The following PPP2R5E variants were observed in gnomAD, a reference collection of about 807,000 sequenced individuals.
The protein encoded by PPP2R5E is protein phosphatase 2 regulatory subunit B'epsilon.
PPP2R5E carries 4 observed loss-of-function variants against 65.3 expected under a neutral mutation model. The ratio of observed to expected loss-of-function variants is 0.06; its 90% CI spans 0.03 to 0.14. The LOEUF (loss-of-function observed/expected upper bound fraction) is 0.14. Among genes scored for constraint, PPP2R5E ranks in the 10% least tolerant of loss-of-function variants. PPP2R5E has a pLI of 1.00. For missense variants in PPP2R5E, 274 were observed against 556.1 expected (o/e 0.49, Z 5.10); for synonymous variants, 183 against 187.4 (o/e 0.98, Z 0.19).
At chr14:63,436,103 C>T (rs1268050320) in intron 3 of PPP2R5E, among the ~76,000 whole-genome samples, 1 of 152,230 alleles carries the variant, frequency 6.6e-6, no homozygotes, top group African/African-American at 2.4e-5. Flanking sequence ...TGCTGCATTT[C>T]ACCATCTGGG....
chr14:63,503,766 T>A (rs1892022282), intron 2 of PPP2R5E, among the ~76,000 whole-genome samples: 1 of 152,174 alleles, frequency 6.6e-6, no homozygotes, highest in South Asian at 2.1e-4. Flanking sequence ...ACTACCAGAA[T>A]TGCATGGGGG....
chr14:63,498,468 G>A (rs1232457832), intron 2 of PPP2R5E, among the ~76,000 whole-genome samples: 5 of 151,808 alleles, frequency 3.3e-5, no homozygotes, highest in Non-Finnish European at 7.4e-5. Context: ...ATGAACCTTT[G>A]GAATGTTTTT....
At chr14:63,534,895 T>C (rs1436260131) in intron 2 of PPP2R5E, among the ~76,000 whole-genome samples, 2 of 152,176 alleles carry the variant, frequency 1.3e-5, no homozygotes, top group South Asian at 2.1e-4. Context: ...GCTGGGATTA[T>C]AGGTGTGAGC....
chr14:63,501,246 C>A (rs558055267), intron 2 of PPP2R5E, among the ~76,000 whole-genome samples: 35 of 150,502 alleles, frequency 2.3e-4, no homozygotes, highest in African/African-American at 8.3e-4. Flanking sequence ...AAAAGAAATA[C>A]AAAAAAAAAT....
intron 13 of PPP2R5E, among the ~76,000 whole-genome samples, chr14:63,379,872 A>G (rs928510008): frequency 3.1e-5 from 4 of 128,280 alleles, no homozygotes; most frequent in Non-Finnish European, 6.2e-5. Flanking sequence ...TCTCACTCCA[A>G]TGTCCAAGCT....
chr14:63,463,661 A>T (rs1321927237), intron 2 of PPP2R5E, among the ~76,000 whole-genome samples: 1 of 150,654 alleles, frequency 6.6e-6, no homozygotes, highest in African/African-American at 2.5e-5. Context: ...CAGTGGCACG[A>T]TCTCGGCTCA....
chr14:63,512,545 A>C (rs1372831707), intron 2 of PPP2R5E, among the ~76,000 whole-genome samples: 1 of 152,182 alleles, frequency 6.6e-6, no homozygotes, highest in Admixed American at 6.5e-5. Context: ...CAGATTTGAG[A>C]CACATAACTA....
In PPP2R5E at chr14:63,376,013, G is replaced by A. The variant is rs1883962014; in HGVS notation, c.1400C>T (p.Thr467Ile). The A allele has an allele frequency of 6.3e-7, 1 of 1,583,058 alleles. No homozygotes were observed. The highest frequency in any genetic ancestry group is 8.7e-7 in the Non-Finnish European group (1 of 1,152,654). ...ATGTTGTTGTCATTGTTTTTGTTAA[G>A]TTGGAATTATTCCATCACGTCTAAG... The part of the protein sequence containing the change: ...RGLRRDGIIP[T>I] The change falls in exon 14 of 14, where the codon ACT becomes ATT. Residue 467 changes from threonine (T) to isoleucine (I), a missense_variant. This residue lies in a region of PPP2R5E where 129 missense variants were observed against 254.9 expected (regional missense o/e 0.51). Coordinates refer to ENST00000337537, the MANE Select transcript of PPP2R5E (RefSeq NM_006246.5).
chr14:63,408,408 C>A (rs76513788), intron 5 of PPP2R5E, among the ~76,000 whole-genome samples: 1,970 of 152,132 alleles, frequency 0.013, 65 homozygotes, highest in East Asian at 0.12. Flanking sequence ...TATATTTATT[C>A]ATTCGTTTAT....
At chr14:63,474,282 T>C (rs752618594) in intron 2 of PPP2R5E, among the ~76,000 whole-genome samples, 7 of 152,158 alleles carry the variant, frequency 4.6e-5, no homozygotes, top group East Asian at 1.9e-4. Context: ...AAGGTGACTC[T>C]TGGCACTTGC....
chr14:63,388,128 CCTTTCTTTTTT>C (rs1191622542), intron 11 of PPP2R5E, among the ~76,000 whole-genome samples: 3 of 141,356 alleles, frequency 2.1e-5, no homozygotes, highest in African/African-American at 5.5e-5. Context: ...TTTTTTTTCT[CCTTTCTTTTTT>C]CTTTCTTTTT....
rs1481574582 is a variant in PPP2R5E at position 63,374,269 on chromosome 14, C to T, written c.*1740G>A. The T allele has an allele frequency of 2.0e-5, 3 of 151,594 alleles. No homozygotes were observed. The highest frequency in any genetic ancestry group is 2.4e-5 in the African/African-American group (1 of 41,276). 9.4% of individuals were successfully genotyped at this position (151,594 alleles called of 1,614,324 possible). On this transcript the variant is annotated 3_prime_UTR_variant, in exon 14 of 14. Transcript: ENST00000337537. ...CTTTTTCTTGAAAATAATAAAACTG[C>T]GTATTCTACTTTATATTTAAATGTA... is the stretch of plus-strand genomic sequence containing the variant.
intron 5 of PPP2R5E, among the ~76,000 whole-genome samples, chr14:63,413,933 G>A (rs1160720027): frequency 6.6e-6 from 1 of 152,156 alleles, no homozygotes; most frequent in Non-Finnish European, 1.5e-5. Context: ...GTACCTAGGG[G>A]AATAGGGTGT....
intron 2 of PPP2R5E, among the ~76,000 whole-genome samples, chr14:63,467,636 T>C (rs1332018894): frequency 1.3e-5 from 2 of 152,250 alleles, no homozygotes; most frequent in African/African-American, 4.8e-5. Flanking sequence ...CAAAAGTCTG[T>C]CAGTTATAAT....
chr14:63,499,277 T>C (rs1891733247), intron 2 of PPP2R5E, among the ~76,000 whole-genome samples: 1 of 152,120 alleles, frequency 6.6e-6, no homozygotes, highest in South Asian at 2.1e-4. Context: ...AAAATATATA[T>C]GACAGCAGAA....
intron 2 of PPP2R5E, among the ~76,000 whole-genome samples, chr14:63,523,137 G>A (rs878892965): frequency 8.7e-5 from 13 of 149,542 alleles, no homozygotes; most frequent in East Asian, 2.0e-4. Context: ...AGTGGGGGGC[G>A]CCTCTGCCCG....
chr14:63,418,653 A>C (rs60032302), intron 4 of PPP2R5E, among the ~76,000 whole-genome samples: 18,320 of 152,124 alleles, frequency 0.12, 1,311 homozygotes, highest in African/African-American at 0.2. Context: ...GTCCTATAAA[A>C]TTGTATTCTA....
intron 2 of PPP2R5E, among the ~76,000 whole-genome samples, chr14:63,495,377 G>A (rs184766109): frequency 0.013 from 1,822 of 145,488 alleles, 38 homozygotes; most frequent in African/African-American, 0.046. Flanking sequence ...TTAAAGACCA[G>A]CCTGGCCAAC....
chr14:63,491,608 G>A (rs1266036065), intron 2 of PPP2R5E, among the ~76,000 whole-genome samples: 1 of 152,092 alleles, frequency 6.6e-6, no homozygotes, highest in Non-Finnish European at 1.5e-5. Flanking sequence ...AACACTTTGG[G>A]AGGCCAAGGT....
Sources: allele counts gnomAD v4.1 joint callset (sites outside exome capture counted in the v4.1 genomes callset), GRCh38; gene constraint gnomAD v4.1.1; regional missense constraint gnomAD v4.1.1; transcripts MANE v1.5; gene names NCBI Gene and HGNC (gene_info 2026-07-23, HGNC 2026-07-21).